The following KCNH1 variants were observed in gnomAD, a reference collection of about 807,000 sequenced individuals.
The protein encoded by KCNH1 is voltage-gated delayed rectifier potassium channel KCNH1.
KCNH1 carries 27 observed loss-of-function variants against 69.2 expected under a neutral mutation model. The observed-to-expected ratio is 0.39, with a 90% CI of 0.29 to 0.54. The LOEUF is 0.54. Ranked by LOEUF, KCNH1 falls within the 20% of genes least tolerant of loss-of-function variation. KCNH1 has a pLI of 0.68. For missense variants in KCNH1, 798 were observed against 1,261.6 expected (o/e 0.63, Z 5.57); for synonymous variants, 456 against 487.7 (o/e 0.93, Z 0.86).
At chr1:211,130,640 T>G (rs1691859177) in intron 1 of KCNH1, among the ~76,000 whole-genome samples, 1 of 152,220 alleles carries the variant, frequency 6.6e-6, no homozygotes, top group Non-Finnish European at 1.5e-5. Context: ...TTACGAATTG[T>G]AGGTAAATCA....
At chr1:211,094,829 G>A (rs760160204) in intron 3 of KCNH1, among the ~76,000 whole-genome samples, 1 of 152,130 alleles carries the variant, frequency 6.6e-6, no homozygotes, top group Non-Finnish European at 1.5e-5. Context: ...GAGAACATAA[G>A]TCCCTCCTAG....
chr1:210,954,683 G>A lies in KCNH1; in HGVS notation c.1033-34614C>T, dbSNP rs188174770. ...ATGATGACCATTTTTTCATGTGTCC[G>A]TTGGCTGCACAAATGTCTTCTTTTC... On this transcript the variant is annotated intron_variant, in intron 6 of 10. Coordinates refer to ENST00000271751, the MANE Select transcript of KCNH1 (RefSeq NM_172362.3). Among the ~76,000 whole-genome samples, 263 of 152,250 alleles carry A rather than the reference G, an allele frequency of 1.7e-3. 1 individual carries two copies. Among genetic ancestry groups the A allele is most frequent in the Middle Eastern group, 0.01 (3 of 294 alleles).
intron 7 of KCNH1, among the ~76,000 whole-genome samples, chr1:210,824,340 A>G (rs1157582635): frequency 6.7e-6 from 1 of 150,326 alleles, no homozygotes; most frequent in Non-Finnish European, 1.5e-5. Flanking sequence ...ATGTCTACAG[A>G]TATATATCTA....
At chr1:210,778,026 G>A (rs568618154) in intron 9 of KCNH1, among the ~76,000 whole-genome samples, 4 of 152,314 alleles carry the variant, frequency 2.6e-5, no homozygotes, top group African/African-American at 4.8e-5. Flanking sequence ...GCCACACAAG[G>A]GGTCACATGT....
chr1:210,775,280 G>A, intron 10 of KCNH1, 68 bp downstream of exon 10: 1 of 1,370,018 alleles, frequency 7.3e-7, no homozygotes, highest in Admixed American at 1.9e-5. Context: ...GACTTTTCTG[G>A]TCACAGTGAT....
At chr1:210,771,729 G>A (rs983257713) in intron 10 of KCNH1, among the ~76,000 whole-genome samples, 2 of 152,220 alleles carry the variant, frequency 1.3e-5, no homozygotes, top group African/African-American at 4.8e-5. Context: ...TATCCTACAA[G>A]TTAGAAATTT....
chr1:210,688,806 C>T (rs1055860383), intron 10 of KCNH1, among the ~76,000 whole-genome samples: 3 of 152,166 alleles, frequency 2.0e-5, no homozygotes, highest in Non-Finnish European at 4.4e-5. Flanking sequence ...TAGTCAGGGA[C>T]CACACCAACA....
chr1:210,866,812 A>T (rs1455765351), intron 7 of KCNH1, among the ~76,000 whole-genome samples: 1 of 152,124 alleles, frequency 6.6e-6, no homozygotes, highest in Non-Finnish European at 1.5e-5. Context: ...AATGCTCATA[A>T]TGTTCATAGG....
intron 1 of KCNH1, among the ~76,000 whole-genome samples, chr1:211,113,436 T>C (rs1450067295): frequency 1.3e-5 from 2 of 152,226 alleles, no homozygotes; most frequent in East Asian, 1.9e-4. Flanking sequence ...TTCTAAATGC[T>C]TGGGTTCTCC....
intron 7 of KCNH1, among the ~76,000 whole-genome samples, chr1:210,814,069 T>G (rs1178448767): frequency 6.6e-6 from 1 of 152,100 alleles, no homozygotes; most frequent in Non-Finnish European, 1.5e-5. Flanking sequence ...ATGTCTTTAT[T>G]GGCAGCATGA....
chr1:210,965,111 G>C (rs767783880), intron 6 of KCNH1, among the ~76,000 whole-genome samples: 1 of 152,060 alleles, frequency 6.6e-6, no homozygotes, highest in Non-Finnish European at 1.5e-5. Context: ...AAAATAACAA[G>C]AACTATTTAT....
chr1:210,930,105 T>C lies in KCNH1; in HGVS notation c.1033-10036A>G, dbSNP rs547510151. On this transcript the variant is annotated intron_variant, in intron 6 of 10. Coordinates refer to ENST00000271751, the MANE Select transcript of KCNH1 (RefSeq NM_172362.3). ...CAATATCATGAAAATGACCACGCTG[T>C]CAAAAACAATCTACAAAGTCAATGC... 1.7e-4 allele frequency among the ~76,000 whole-genome samples: 26 copies of C among 152,026 alleles called. 1 individual carries two copies. Among genetic ancestry groups the C allele is most frequent in the Admixed American group, 1.7e-3 (26 of 15,250 alleles).
At chr1:210,701,742 A>G (rs939769409) in intron 10 of KCNH1, among the ~76,000 whole-genome samples, 12 of 151,996 alleles carry the variant, frequency 7.9e-5, no homozygotes, top group Non-Finnish European at 1.6e-4. Context: ...ATGTTTCTAA[A>G]AACAGTAGTT....
intron 5 of KCNH1, among the ~76,000 whole-genome samples, chr1:211,064,334 G>A (rs1267750872): frequency 6.6e-6 from 1 of 152,240 alleles, no homozygotes; most frequent in African/African-American, 2.4e-5. Flanking sequence ...GCCAAGGCGG[G>A]TGGATCACGA....
chr1:210,862,002 A>C (rs1318293800), intron 7 of KCNH1: 7 of 768,354 alleles, frequency 9.1e-6, no homozygotes, highest in East Asian at 4.9e-5. Flanking sequence ...TGGCTTCTAC[A>C]ATATTTTCTC....
chr1:210,830,231 C>T (rs542318631), intron 7 of KCNH1, among the ~76,000 whole-genome samples: 2 of 152,310 alleles, frequency 1.3e-5, no homozygotes, highest in Admixed American at 6.5e-5. Context: ...CCTACAAACT[C>T]CTACTCATCC....
chr1:210,760,756 T>G (rs1299288881), intron 10 of KCNH1, among the ~76,000 whole-genome samples: 2 of 152,182 alleles, frequency 1.3e-5, no homozygotes, highest in Non-Finnish European at 2.9e-5. Context: ...GCAGGGAGAT[T>G]CCTCTTTATA....
At chr1:210,821,492 C>T (rs529770179) in intron 7 of KCNH1, among the ~76,000 whole-genome samples, 16 of 152,176 alleles carry the variant, frequency 1.1e-4, no homozygotes, top group South Asian at 8.3e-4. Context: ...ATTTCTAGAC[C>T]TCACCATGTA....
intron 10 of KCNH1, among the ~76,000 whole-genome samples, chr1:210,687,436 T>C (rs1344580312): frequency 1.3e-5 from 2 of 152,208 alleles, no homozygotes; most frequent in East Asian, 3.9e-4. Context: ...GCAGGCTTTT[T>C]TTCCAAAGTG....
Sources: allele counts gnomAD v4.1 joint callset (sites outside exome capture counted in the v4.1 genomes callset), GRCh38; gene constraint gnomAD v4.1.1; transcripts MANE v1.5; gene names NCBI Gene and HGNC (gene_info 2026-07-23, HGNC 2026-07-21).